AKAP9: variants seen among roughly 807,000 people sequenced by gnomAD.
AKAP9 encodes A-kinase anchor protein 9.
In AKAP9, 311 loss-of-function variants were observed where a neutral mutation model predicts 488.5. That is an observed-to-expected ratio of 0.64 (90% CI 0.58 to 0.70). The LOEUF (loss-of-function observed/expected upper bound fraction) is 0.70. Ranked by LOEUF, AKAP9 falls within the 30% of genes least tolerant of loss-of-function variation. The pLI is 0.00. For missense variants in AKAP9, 4,215 were observed against 4,374.5 expected (o/e 0.96, Z 1.03); for synonymous variants, 1,462 against 1,483.5 (o/e 0.99, Z 0.33).
At chr7:91,998,464 GAGTA>G (rs1390488418) in intron 7 of AKAP9, among the ~76,000 whole-genome samples, 1 of 95,618 alleles carries the variant, frequency 1.0e-5, no homozygotes, top group African/African-American at 3.8e-5. Flanking sequence ...TTAGAATTCA[GAGTA>G]AGTGGTTTAA....
At chr7:91,941,178 G>A (rs1418042045) in intron 1 of AKAP9, 31 bp downstream of exon 1, 6 of 1,605,706 alleles carry the variant, frequency 3.7e-6, no homozygotes, top group Non-Finnish European at 5.1e-6. Flanking sequence ...CGGGCCTGCG[G>A]TGGGAGGCGG....
At chr7:92,057,903 G>T in intron 22 of AKAP9, 1 of 227,174 alleles carries the variant, frequency 4.4e-6, no homozygotes, top group South Asian at 1.7e-4. Flanking sequence ...ATTTTTTTTG[G>T]TTTTTGTTTT....
intron 10 of AKAP9, among the ~76,000 whole-genome samples, chr7:92,015,713 T>C (rs1212848931): frequency 6.6e-6 from 1 of 152,148 alleles, no homozygotes; most frequent in Non-Finnish European, 1.5e-5. Context: ...TTGCTTGATA[T>C]GATTTCTTTA....
intron 38 of AKAP9, 35 bp from the exon 39 acceptor site, chr7:92,093,062 G>A: frequency 6.4e-7 from 1 of 1,558,518 alleles, no homozygotes; most frequent in Non-Finnish European, 8.8e-7. Flanking sequence ...TGAGTTGCTT[G>A]ATTATGTTTC....
At chr7:92,054,772 A>G (rs12536529) in intron 22 of AKAP9, among the ~76,000 whole-genome samples, 61,160 of 151,766 alleles carry the variant, frequency 0.4, 12,657 homozygotes, top group African/African-American at 0.47. Context: ...AGGCTACCAT[A>G]CAATCAGGCC....
chr7:92,040,347 G>C (rs1805859175), intron 17 of AKAP9, among the ~76,000 whole-genome samples: 1 of 151,956 alleles, frequency 6.6e-6, no homozygotes, highest in Admixed American at 6.6e-5. Flanking sequence ...GAGGAATAAT[G>C]GCATTATAGC....
In AKAP9 at chr7:91,992,325, A is replaced by C. The variant is rs1395153400; in HGVS notation, c.405+114A>C. On this transcript the variant is annotated intron_variant, in intron 4 of 49. Transcript: ENST00000356239. ...TTCTTTCTGTGTGTGATTTCAAATT[A>C]ATTTTAATGTTTACTAAAACAAAGT... is the stretch of plus-strand genomic sequence containing the variant. The C allele has an allele frequency of 3.6e-6, 3 of 843,742 alleles. No individual in the cohort carries two copies. In the South Asian group the frequency reaches 4.2e-5, roughly 12 times the overall value. The allele number at this position is 843,742 out of a possible 1,614,324, so 52.3% of individuals were successfully genotyped here.
At chr7:92,014,815 G>A (rs377355766) in intron 10 of AKAP9, among the ~76,000 whole-genome samples, 1 of 151,960 alleles carries the variant, frequency 6.6e-6, no homozygotes, top group Non-Finnish European at 1.5e-5. Flanking sequence ...CCTGATAATC[G>A]GTTTGAAACA....
intron 12 of AKAP9, 61 bp downstream of exon 12, chr7:92,017,163 AAGCTGC>A: frequency 7.7e-7 from 1 of 1,293,994 alleles, no homozygotes; most frequent in Non-Finnish European, 1.1e-6. Flanking sequence ...GCTTTTTTGT[AAGCTGC>A]TTTTATCAAC....
intron 21 of AKAP9, among the ~76,000 whole-genome samples, chr7:92,045,805 G>T (rs1806872402): frequency 6.7e-6 from 1 of 149,858 alleles, no homozygotes; most frequent in African/African-American, 2.5e-5. Flanking sequence ...CTTCAGCTGT[G>T]TGGATTCAGC....
intron 3 of AKAP9, among the ~76,000 whole-genome samples, chr7:91,981,138 A>G (rs1253433821): frequency 6.6e-6 from 1 of 152,230 alleles, no homozygotes; most frequent in Non-Finnish European, 1.5e-5. Context: ...GCCAACATTA[A>G]ATAAACACAT....
rs370936884 is a variant in AKAP9 at position 92,077,096 on chromosome 7, C to T, written c.6765+89C>T. 0.33 allele frequency: 84,971 copies of T among 255,120 alleles called. 15,854 individuals are homozygous for T. The highest frequency in any genetic ancestry group is 0.49 in the African/African-American group (18,012 of 36,594). The allele number at this position is 255,120 out of a possible 1,614,324, so 15.8% of individuals were successfully genotyped here. On this transcript the variant is annotated intron_variant, in intron 29 of 49. Transcript: ENST00000356239. ...TTATTATTATTATTATTATTTCTTTCTTTTTTTTTTTTTTTTTGAGACTTA... is the reference window on the plus strand; with the variant it reads ...TTATTATTATTATTATTATTTCTTTTTTTTTTTTTTTTTTTTTGAGACTTA...
chr7:91,970,017 G>A (rs957910794), intron 1 of AKAP9, among the ~76,000 whole-genome samples: 4 of 151,680 alleles, frequency 2.6e-5, no homozygotes, highest in Admixed American at 2.0e-4. Flanking sequence ...TTGAAGTTAA[G>A]TGATTTTTTT....
At chr7:91,965,000 G>C (rs191971117) in intron 1 of AKAP9, among the ~76,000 whole-genome samples, 2 of 152,274 alleles carry the variant, frequency 1.3e-5, no homozygotes, top group Admixed American at 1.3e-4. Flanking sequence ...TAATTGGGAT[G>C]TCCGTTAGCT....
At chr7:92,075,757 G>A (rs1812485655) in intron 28 of AKAP9, among the ~76,000 whole-genome samples, 1 of 152,214 alleles carries the variant, frequency 6.6e-6, no homozygotes, top group Non-Finnish European at 1.5e-5. Flanking sequence ...GCGGTAAACT[G>A]TTACAAGTGA....
intron 7 of AKAP9, among the ~76,000 whole-genome samples, chr7:91,999,653 A>G (rs1210628450): frequency 6.6e-6 from 1 of 152,230 alleles, no homozygotes; most frequent in African/African-American, 2.4e-5. Flanking sequence ...TGATCTATCT[A>G]TCTCACAGTA....
At position 92,062,584 on chromosome 7, in the gene AKAP9, C is replaced by G. The variant is rs982334408; in HGVS notation, c.5977+98C>G. The G allele has an allele frequency of 3.2e-6, 3 of 949,630 alleles. No individual in the cohort carries two copies. In the African/African-American group the frequency reaches 5.0e-5, roughly 16 times the overall value. 58.8% of individuals were successfully genotyped at this position (949,630 alleles called of 1,614,324 possible). On this transcript the variant is annotated intron_variant, in intron 24 of 49. Coordinates refer to ENST00000356239, the MANE Select transcript of AKAP9 (RefSeq NM_005751.5). ...TTTTTCCTCTTTCAGTGCCATTATT[C>G]ATATATTTTATAGAGAGATTTAAAA... is the stretch of plus-strand genomic sequence containing the variant.
In AKAP9 at chr7:92,093,202, G is replaced by A. The variant is rs1162363168; in HGVS notation, c.9464G>A (p.Ser3155Asn). 6.2e-7 allele frequency: 1 copy of A among 1,614,198 alleles called. No homozygotes were observed. ...GCAACGGAACTGCAGGAGCAGCTGA[G>A]TTCTGAGAAAATGGTGGTTGCTGAA... ...DRATELQEQLSSEKMVVAELK... is the reference protein window; with the variant it reads ...DRATELQEQLNSEKMVVAELK... The change falls in exon 39 of 50, where the codon AGT becomes AAT. Residue 3155 changes from serine to asparagine, a missense_variant. By Grantham distance (46) the Ser-to-Asn change is conservative. Transcript: ENST00000356239.
At chr7:91,982,980 T>C (rs1796619974) in intron 3 of AKAP9, among the ~76,000 whole-genome samples, 2 of 152,234 alleles carry the variant, frequency 1.3e-5, no homozygotes, top group South Asian at 4.1e-4. Flanking sequence ...TTCATAAATG[T>C]CTGCTTTTGA....
Sources: allele counts gnomAD v4.1 joint callset (sites outside exome capture counted in the v4.1 genomes callset), GRCh38; gene constraint gnomAD v4.1.1; transcripts MANE v1.5; gene names NCBI Gene and HGNC (gene_info 2026-07-23, HGNC 2026-07-21).